Variants in SGCZ observed in about 807,000 individuals in gnomAD.
SGCZ encodes the protein zeta-sarcoglycan.
SGCZ carries 40 observed loss-of-function variants against 41.3 expected under a neutral mutation model. The observed-to-expected ratio is 0.97, with a 90% CI of 0.75 to 1.26. SGCZ has a LOEUF of 1.26. Among genes scored for constraint, SGCZ ranks in the 50% most tolerant of loss-of-function variants. SGCZ has a pLI of 0.00. For synonymous variants in SGCZ, 206 were observed against 137.5 expected (o/e 1.50, Z -3.49); for missense variants, 552 against 369.8 (o/e 1.49, Z -4.04).
rs1563201302 is a variant in SGCZ, at chr8:15,237,789, G to T, written c.-166C>A. 2 of 583,866 alleles carry T rather than the reference G, an allele frequency of 3.4e-6. No homozygotes were observed. Among genetic ancestry groups the T allele is most frequent in the Non-Finnish European group, 6.1e-6 (2 of 326,934 alleles). 36.2% of individuals were successfully genotyped at this position (583,866 alleles called of 1,614,324 possible). A position where few individuals can be genotyped will look rare whatever the true frequency, so the allele number is the denominator to read the frequency against. On this transcript the variant is annotated 5_prime_UTR_variant, in exon 1 of 8. Transcript: ENST00000382080. ...GCCGCCTCCACCGGGTTAAAAATAA[G>T]GAAAATAAATAAATAATAATGATAA... is the stretch of plus-strand genomic sequence containing the variant.
At chr8:14,805,812 T>C (rs1216495995) in intron 1 of SGCZ, among the ~76,000 whole-genome samples, 1 of 151,718 alleles carries the variant, frequency 6.6e-6, no homozygotes, top group African/African-American at 2.4e-5. Flanking sequence ...TATTCCAAAA[T>C]TGACCACATA....
chr8:14,215,883 C>G (rs949739828), intron 4 of SGCZ, among the ~76,000 whole-genome samples: 2 of 152,198 alleles, frequency 1.3e-5, no homozygotes, highest in Non-Finnish European at 2.9e-5. Context: ...GGGTGCAACC[C>G]GCAGACACTG....
intron 1 of SGCZ, among the ~76,000 whole-genome samples, chr8:14,621,775 C>T (rs912066673): frequency 1.3e-5 from 2 of 152,080 alleles, no homozygotes; most frequent in Non-Finnish European, 2.9e-5. Context: ...CATCACCTCC[C>T]ACCAGTTCTC....
intron 2 of SGCZ, among the ~76,000 whole-genome samples, chr8:14,454,467 A>G (rs1800686120): frequency 6.6e-6 from 1 of 152,182 alleles, no homozygotes; most frequent in Non-Finnish European, 1.5e-5. Context: ...AGATAAATGA[A>G]GTTAACATTT....
At chr8:14,350,274 T>G (rs1319431999) in intron 2 of SGCZ, among the ~76,000 whole-genome samples, 1 of 152,046 alleles carries the variant, frequency 6.6e-6, no homozygotes, top group Non-Finnish European at 1.5e-5. Flanking sequence ...GTATGCTTTT[T>G]CAAGTCCTGA....
At chr8:14,973,667 C>G (rs7016812) in intron 1 of SGCZ, among the ~76,000 whole-genome samples, 67,342 of 151,970 alleles carry the variant, frequency 0.44, 15,175 homozygotes, top group South Asian at 0.48. Flanking sequence ...TGGAAGATGA[C>G]AGAAATAAGC....
intron 1 of SGCZ, among the ~76,000 whole-genome samples, chr8:14,850,866 A>C (rs546035635): frequency 6.6e-6 from 1 of 152,300 alleles, no homozygotes; most frequent in East Asian, 1.9e-4. Context: ...CTTCTGAAGA[A>C]GATGCCTTGC....
intron 1 of SGCZ, among the ~76,000 whole-genome samples, chr8:14,700,195 G>T (rs1348369987): frequency 6.6e-6 from 1 of 151,868 alleles, no homozygotes; most frequent in Non-Finnish European, 1.5e-5. Flanking sequence ...ATAAAGACAT[G>T]AAATCAACCT....
At chr8:14,784,217 A>AT (rs67777073) in intron 1 of SGCZ, among the ~76,000 whole-genome samples, 6 of 151,054 alleles carry the variant, frequency 4.0e-5, no homozygotes, top group African/African-American at 9.7e-5. Context: ...AGCCTGGCTA[A>AT]TTTTTTTTTA....
chr8:14,418,652 T>C (rs1443384269), intron 2 of SGCZ, among the ~76,000 whole-genome samples: 1 of 152,052 alleles, frequency 6.6e-6, no homozygotes, highest in Admixed American at 6.6e-5. Flanking sequence ...ATACAGCAAT[T>C]GAAACTAAAT....
intron 1 of SGCZ, among the ~76,000 whole-genome samples, chr8:14,664,675 A>G (rs959739629): frequency 6.6e-6 from 1 of 152,184 alleles, no homozygotes; most frequent in Non-Finnish European, 1.5e-5. Flanking sequence ...TTATTATTTC[A>G]TGTGTGTCAC....
intron 1 of SGCZ, among the ~76,000 whole-genome samples, chr8:14,666,537 A>G (rs1450677883): frequency 1.3e-5 from 2 of 152,224 alleles, no homozygotes; most frequent in Admixed American, 6.5e-5. Context: ...TCTCAATTAC[A>G]TCTTATCAGC....
intron 1 of SGCZ, among the ~76,000 whole-genome samples, chr8:14,627,674 T>C (rs1400916653): frequency 4.6e-5 from 7 of 152,110 alleles, no homozygotes; most frequent in Non-Finnish European, 7.4e-5. Context: ...TTCTGAATGA[T>C]TGTCCTTGGA....
At chr8:15,119,387 G>A (rs1474737266) in intron 1 of SGCZ, among the ~76,000 whole-genome samples, 1 of 151,848 alleles carries the variant, frequency 6.6e-6, no homozygotes, top group Non-Finnish European at 1.5e-5. Flanking sequence ...AAAATTAGCT[G>A]AGCATGGTGG....
At chr8:14,918,515 GA>G (rs2130787457) in intron 1 of SGCZ, among the ~76,000 whole-genome samples, 1 of 152,170 alleles carries the variant, frequency 6.6e-6, no homozygotes, top group Non-Finnish European at 1.5e-5. Flanking sequence ...CTACTCACTA[GA>G]AAAGGGCAAT....
chr8:15,209,551 A>AAT (rs74662010), intron 1 of SGCZ, among the ~76,000 whole-genome samples: 3 of 150,656 alleles, frequency 2.0e-5, no homozygotes, highest in Non-Finnish European at 4.4e-5. Context: ...AGAATGAAAG[A>AAT]GAAAAGAAGC....
At position 14,551,534 on chromosome 8, in the gene SGCZ, A is replaced by AATATATATTATATATAT. The variant is rs1803841772; in HGVS notation, c.234+3197_234+3198insATATATATAATATATAT. On this transcript the variant is annotated intron_variant, in intron 2 of 7. Coordinates refer to ENST00000382080, the MANE Select transcript of SGCZ (RefSeq NM_139167.4). ...ATATATATTATATATAATATATATAATATATATAATATATATAATATATAT... is the reference window on the plus strand; with the variant it reads ...ATATATATTATATATAATATATATAAATATATATTATATATATTATATATAATATATATAATATATAT... Among the ~76,000 whole-genome samples the AATATATATTATATATAT allele has an allele frequency of 2.9e-3, 23 of 7,822 alleles. 1 individual carries two copies. Among genetic ancestry groups the AATATATATTATATATAT allele is most frequent in the Admixed American group, 7.7e-3 (3 of 392 alleles). The allele number at this position is 7,822 out of a possible 152,430, so 5.1% of individuals were successfully genotyped here. A position where few individuals can be genotyped will look rare whatever the true frequency, so the allele number is the denominator to read the frequency against.
Position 14,453,207 on chromosome 8 carries a change from G to T in SGCZ, c.234+101525C>A, listed in dbSNP as rs963197070. On this transcript the variant is annotated intron_variant, in intron 2 of 7. Transcript: ENST00000382080. Reference sequence around the variant, plus strand: ...TTATAAGTGGTTTAACTTTAAAGATGGTTTGTAAACATAAAAATTTTCTAT... The same window carrying T: ...TTATAAGTGGTTTAACTTTAAAGATTGTTTGTAAACATAAAAATTTTCTAT... Among the ~76,000 whole-genome samples the T allele has an allele frequency of 2.6e-5, 4 of 152,106 alleles. No individual in the cohort carries two copies. The East Asian group carries it at 7.7e-4, about 29-fold the overall frequency.
chr8:14,585,490 T>A (rs1482733992), intron 1 of SGCZ, among the ~76,000 whole-genome samples: 2 of 152,138 alleles, frequency 1.3e-5, no homozygotes, highest in African/African-American at 4.8e-5. Context: ...ATATTATGAA[T>A]ATGGTATTTC....
Sources: gnomAD v4.1 joint callset for allele counts (sites outside exome capture counted in the v4.1 genomes callset) on GRCh38, gnomAD v4.1.1 for gene constraint, MANE v1.5 for transcripts, NCBI Gene and HGNC (gene_info 2026-07-23, HGNC 2026-07-21) for gene names.